The following SPAG9 variants were observed in gnomAD, a reference collection of about 807,000 sequenced individuals.
SPAG9 encodes sperm associated antigen 9.
A neutral mutation model predicts 166.5 loss-of-function variants in SPAG9; 35 were observed. The observed-to-expected ratio is 0.21, with a 90% confidence interval of 0.16 to 0.28. The LOEUF is 0.28. Among genes scored for constraint, SPAG9 ranks in the 10% least tolerant of loss-of-function variants. SPAG9 has a pLI of 1.00. For missense variants in SPAG9, 1,235 were observed against 1,603.3 expected (o/e 0.77, Z 3.92); for synonymous variants, 534 against 565.5 (o/e 0.94, Z 0.79).
At chr17:51,080,489 C>T (rs2048130371) in intron 1 of SPAG9, among the ~76,000 whole-genome samples, 1 of 152,096 alleles carries the variant, frequency 6.6e-6, no homozygotes, top group Admixed American at 6.6e-5. Context: ...TAAGTACGAA[C>T]TATATGCTGA....
intron 1 of SPAG9, among the ~76,000 whole-genome samples, chr17:51,083,900 TC>T (rs1189364169): frequency 1.3e-5 from 2 of 152,074 alleles, no homozygotes; most frequent in African/African-American, 4.8e-5. Context: ...ACACTGTAGT[TC>T]CTTCCACAAA....
intron 1 of SPAG9, among the ~76,000 whole-genome samples, chr17:51,096,817 C>T (rs1323465387): frequency 2.0e-5 from 3 of 152,160 alleles, no homozygotes; most frequent in Non-Finnish European, 2.9e-5. Context: ...TCGTGAAATA[C>T]GTATTTGGTC....
chr17:50,979,101 T>C (rs1051469091), intron 26 of SPAG9, among the ~76,000 whole-genome samples: 12 of 151,918 alleles, frequency 7.9e-5, no homozygotes, highest in Admixed American at 4.6e-4. Flanking sequence ...GCCAGGTGCA[T>C]TGGCTCATGC....
At chr17:51,070,564 A>C (rs2047795524) in intron 2 of SPAG9, among the ~76,000 whole-genome samples, 1 of 152,190 alleles carries the variant, frequency 6.6e-6, no homozygotes, top group Admixed American at 6.5e-5. Flanking sequence ...ACCAACCAAC[A>C]GAAGTTTTTG....
intron 6 of SPAG9, among the ~76,000 whole-genome samples, chr17:51,022,384 A>T (rs1382503746): frequency 6.6e-6 from 1 of 152,138 alleles, no homozygotes. Context: ...TTGAAATTTG[A>T]TCACTATTAT....
chr17:50,994,057 T>TAA (rs2143867111), intron 18 of SPAG9, 122 bp from the exon 19 acceptor site: 1 of 945,888 alleles, frequency 1.1e-6, no homozygotes, highest in East Asian at 2.6e-5. Context: ...TTTGGAAGGG[T>TAA]AAAAATACAA....
At chr17:51,017,542 G>C (rs962277624) in intron 8 of SPAG9, among the ~76,000 whole-genome samples, 1 of 151,892 alleles carries the variant, frequency 6.6e-6, no homozygotes, top group South Asian at 2.1e-4. Context: ...GAGAGAGAGA[G>C]AGAGAGAGAC....
chr17:51,064,350 G>A (rs1395495581), intron 2 of SPAG9, among the ~76,000 whole-genome samples: 2 of 152,148 alleles, frequency 1.3e-5, no homozygotes, highest in Non-Finnish European at 1.5e-5. Context: ...GAAACCCAAG[G>A]AATATCTTCC....
chr17:50,998,363 C>T (rs2044771239), intron 15 of SPAG9, 81 bp downstream of exon 15: 4 of 1,294,012 alleles, frequency 3.1e-6, no homozygotes, highest in Non-Finnish European at 4.3e-6. Flanking sequence ...TACCTGAATC[C>T]TTAGAGCTGA....
rs375077974 is a variant in SPAG9, at chr17:51,058,782, T to G, written c.425-2300A>C. ...AAAAACACAACACACCAAGTGCCAG[T>G]ATGGATGTGGAACTACTGGAACTTT... On this transcript the variant is annotated intron_variant, in intron 2 of 29. Transcript: ENST00000262013. Among the ~76,000 whole-genome samples, 94 of 152,304 alleles carry G rather than the reference T, an allele frequency of 6.2e-4. No homozygotes were observed. In the South Asian group the frequency reaches 0.019, roughly 30 times the overall value.
Position 50,998,466 on chromosome 17 carries a change from C to G in SPAG9, c.1816G>C (p.Ala606Pro). 1.2e-6 allele frequency: 2 copies of G among 1,614,038 alleles called. No homozygotes were observed. Among genetic ancestry groups the G allele is most frequent in the South Asian group, 2.2e-5 (2 of 91,076 alleles). The change falls in exon 15 of 30, where the codon GCC becomes CCC. Residue 606 changes from alanine (A) to proline (P), a missense_variant. Physicochemically the swap from Ala to Pro is conservative, Grantham distance 27. Transcript: ENST00000262013. ...LSQLPGDKSK[A>P]FDFLSEETEA... ...TACTCTTCACTAAGGAAATCAAAGG[C>G]TTTGGACTTATCCCCAGGGAGCTGA...
chr17:51,058,986 C>A (rs2047432546), intron 2 of SPAG9, among the ~76,000 whole-genome samples: 1 of 152,144 alleles, frequency 6.6e-6, no homozygotes, highest in Non-Finnish European at 1.5e-5. Flanking sequence ...CAAAGAAGCA[C>A]AATCTGAAAA....
intron 1 of SPAG9, among the ~76,000 whole-genome samples, chr17:51,101,586 C>T (rs1335439822): frequency 6.6e-6 from 1 of 151,760 alleles, no homozygotes; most frequent in East Asian, 1.9e-4. Flanking sequence ...ATAATTAAAA[C>T]TAGAAATTTG....
At position 51,071,299 on chromosome 17, in the gene SPAG9, C is replaced by T. The variant is rs75996010; in HGVS notation, c.424+8285G>A. Among the ~76,000 whole-genome samples, 1,334 of 152,244 alleles carry T rather than the reference C, an allele frequency of 8.8e-3. 14 individuals carry two copies. The highest frequency in any genetic ancestry group is 0.03 in the African/African-American group (1,250 of 41,522). On this transcript the variant is annotated intron_variant, in intron 2 of 29. Transcript: ENST00000262013. Reference sequence around the variant, plus strand: ...TATAAAAAGTACTTTCTGACAAAGACCTATTACTGCCACACTATGAATGGC... The same window carrying T: ...TATAAAAAGTACTTTCTGACAAAGATCTATTACTGCCACACTATGAATGGC...
chr17:51,075,235 A>AAAAGAAAC (rs1478086437), intron 2 of SPAG9, among the ~76,000 whole-genome samples: 2 of 150,816 alleles, frequency 1.3e-5, no homozygotes, highest in African/African-American at 4.9e-5. Flanking sequence ...GAAGAAGAAG[A>AAAAGAAAC]AAAGAAACCA....
At chr17:51,039,778 T>C (rs191757960) in intron 5 of SPAG9, among the ~76,000 whole-genome samples, 18 of 152,342 alleles carry the variant, frequency 1.2e-4, no homozygotes, top group African/African-American at 4.1e-4. Flanking sequence ...TATTAAAATA[T>C]AGTTACCATA....
intron 5 of SPAG9, 176 bp from the exon 6 acceptor site, chr17:51,031,898 T>C: frequency 1.5e-6 from 1 of 688,776 alleles, no homozygotes. Context: ...ACCTTAACAC[T>C]CTAGTTTAAG....
intron 1 of SPAG9, among the ~76,000 whole-genome samples, chr17:51,089,101 A>G (rs144383129): frequency 7.5e-4 from 113 of 150,652 alleles, no homozygotes; most frequent in Non-Finnish European, 1.4e-3. Flanking sequence ...CAAAAACAAA[A>G]CAAAACAAAA....
chr17:51,092,764 A>G (rs1306298586), intron 1 of SPAG9, among the ~76,000 whole-genome samples: 1 of 149,978 alleles, frequency 6.7e-6, no homozygotes, highest in African/African-American at 2.5e-5. Flanking sequence ...AAAAAAAAAA[A>G]AAAGAAAAAA....
Sources: allele counts gnomAD v4.1 joint callset (sites outside exome capture counted in the v4.1 genomes callset), GRCh38; gene constraint gnomAD v4.1.1; transcripts MANE v1.5; gene names NCBI Gene and HGNC (gene_info 2026-07-23, HGNC 2026-07-21).